Variants in SNRPN observed in about 807,000 individuals in gnomAD.
The protein encoded by SNRPN is small nuclear ribonucleoprotein-associated protein N.
SNRPN carries 7 observed loss-of-function variants against 25.2 expected under a neutral mutation model. The observed-to-expected ratio is 0.28, with a 90% CI of 0.16 to 0.52. The LOEUF (loss-of-function observed/expected upper bound fraction) is 0.52, where lower values mean the gene tolerates loss of function less well. Ranked by LOEUF, SNRPN falls within the 20% of genes least tolerant of loss-of-function variation. The pLI, the probability that SNRPN is intolerant of heterozygous loss-of-function variation, is 0.96. For missense variants in SNRPN, 196 were observed against 322.5 expected (o/e 0.61, Z 3.00); for synonymous variants, 124 against 110.6 (o/e 1.12, Z -0.76).
chr15:24,932,646 A>G (rs890499685), intron 3 of SNRPN, among the ~76,000 whole-genome samples: 2 of 127,148 alleles, frequency 1.6e-5, no homozygotes, highest in African/African-American at 5.1e-5. Flanking sequence ...GAGTCTGTAA[A>G]TGTTTTTTTT....
chr15:24,834,728 C>CCCTCTCTCTCTCTCT (rs1555376612), intron 2 of SNRPN, among the ~76,000 whole-genome samples: 1 of 42,774 alleles, frequency 2.3e-5, no homozygotes, highest in African/African-American at 7.7e-5. Flanking sequence ...TCTCTCTCTC[C>CCCTCTCTCTCTCTCT]CTCTCTCTCT....
intron 2 of SNRPN, among the ~76,000 whole-genome samples, chr15:24,887,881 A>G (rs2057337024): frequency 6.6e-6 from 1 of 152,186 alleles, no homozygotes; most frequent in African/African-American, 2.4e-5. Flanking sequence ...GGAGTCAGGC[A>G]GAGAGGACCC....
chr15:24,978,039 T>G, intron 8 of SNRPN, 123 bp downstream of exon 8: 1 of 1,222,626 alleles, frequency 8.2e-7, no homozygotes, highest in African/African-American at 1.5e-5. Flanking sequence ...AGATACTGGT[T>G]TTTAATGAAA....
chr15:24,892,834 CAAGAA>C (rs1200453772), intron 2 of SNRPN, among the ~76,000 whole-genome samples: 1 of 152,038 alleles, frequency 6.6e-6, no homozygotes, highest in Non-Finnish European at 1.5e-5. Context: ...AACAGAGGTT[CAAGAA>C]AAGGCTTTTT....
intron 1 of SNRPN, among the ~76,000 whole-genome samples, chr15:24,878,913 A>G (rs904447207): frequency 5.3e-5 from 8 of 152,024 alleles, no homozygotes; most frequent in Non-Finnish European, 1.0e-4. Context: ...ATATGAGAGG[A>G]CTTGTAGAGG....
intron 3 of SNRPN, among the ~76,000 whole-genome samples, chr15:24,923,615 T>C (rs2060168067): frequency 6.6e-6 from 1 of 152,170 alleles, no homozygotes; most frequent in Non-Finnish European, 1.5e-5. Flanking sequence ...TTCAATGGAA[T>C]TCAACTATAA....
chr15:24,909,848 C>A, intron 2 of SNRPN: 1 of 943,334 alleles, frequency 1.1e-6, no homozygotes, highest in South Asian at 1.3e-5. Flanking sequence ...AGACCCGCGT[C>A]CACAGCTCAA....
At chr15:24,843,788 AACACACACACAC>A (rs56693061) in intron 2 of SNRPN, among the ~76,000 whole-genome samples, 4 of 139,806 alleles carry the variant, frequency 2.9e-5, no homozygotes, top group Admixed American at 7.2e-5. Context: ...CTCCATCACA[AACACACACACAC>A]ACACACACAC....
chr15:24,975,210 A>G, intron 4 of SNRPN, 148 bp from the exon 5 acceptor site: 1 of 667,506 alleles, frequency 1.5e-6, no homozygotes, highest in Non-Finnish European at 2.6e-6. Context: ...CATACTAAAT[A>G]TGGAAGAATG....
chr15:24,893,387 C>T (rs934812067), intron 2 of SNRPN, among the ~76,000 whole-genome samples: 1 of 151,986 alleles, frequency 6.6e-6, no homozygotes, highest in Non-Finnish European at 1.5e-5. Context: ...GAACCTAAGG[C>T]GGTAGGATTG....
chr15:24,937,485 T>C (rs2061307040), intron 3 of SNRPN, among the ~76,000 whole-genome samples: 1 of 152,116 alleles, frequency 6.6e-6, no homozygotes, highest in African/African-American at 2.4e-5. Context: ...ATCTCACCAC[T>C]GTACTCTAGC....
At chr15:24,912,128 T>C (rs933257365) in intron 2 of SNRPN, among the ~76,000 whole-genome samples, 9 of 152,326 alleles carry the variant, frequency 5.9e-5, no homozygotes, top group African/African-American at 2.2e-4. Context: ...ATGTTACCCC[T>C]ATCTTCTTGC....
intron 1 of SNRPN, among the ~76,000 whole-genome samples, chr15:24,862,235 A>C (rs1201808440): frequency 2.6e-5 from 4 of 151,238 alleles, no homozygotes; most frequent in African/African-American, 7.4e-5. Flanking sequence ...AATGTAAGCG[A>C]ATTTTAGAGA....
rs189346347 is a variant in SNRPN, at chr15:24,928,300, C to T, written c.-391+8176C>T. On this transcript the variant is annotated intron_variant, in intron 3 of 11. Coordinates refer to the SNRPN transcript ENST00000400097. The stretch of plus-strand genomic sequence containing the variant: ...CTTGTGTTCATTGCAGCATTATTCA[C>T]GATAGCCAAGATATGGAATCCACCG... 4.9e-3 allele frequency among the ~76,000 whole-genome samples: 738 copies of T among 152,032 alleles called. 7 individuals carry two copies. The highest frequency in any genetic ancestry group is 0.017 in the African/African-American group (701 of 41,452).
Position 24,978,329 on chromosome 15 carries a change from G to C in SNRPN, c.685+11G>C. The C allele has an allele frequency of 6.2e-7, 1 of 1,614,066 alleles. No homozygotes were observed. The highest frequency in any genetic ancestry group is 8.5e-7 in the Non-Finnish European group (1 of 1,179,968). On this transcript the variant is annotated intron_variant, in intron 9 of 9. Coordinates refer to ENST00000390687, the MANE Select transcript of SNRPN (RefSeq NM_003097.6). Reference sequence around the variant, plus strand: ...CACCAGGCATTAGAGGTGAGTGGGAGCATAGGGGTTTGATGGTTCAGCCAG... The same window carrying C: ...CACCAGGCATTAGAGGTGAGTGGGACCATAGGGGTTTGATGGTTCAGCCAG...
chr15:24,904,942 C>CAAAAA (rs33929037), intron 2 of SNRPN, among the ~76,000 whole-genome samples: 1 of 88,264 alleles, frequency 1.1e-5, no homozygotes. Context: ...GACTCCGTCT[C>CAAAAA]AAAAAAAAAA....
At chr15:24,879,401 C>A (rs1490407809) in intron 1 of SNRPN, among the ~76,000 whole-genome samples, 2 of 150,336 alleles carry the variant, frequency 1.3e-5, no homozygotes, top group South Asian at 4.2e-4. Context: ...CCCGCCACTG[C>A]ACTCTAGCCT....
At chr15:24,944,023 C>T (rs563175416) in intron 3 of SNRPN, among the ~76,000 whole-genome samples, 7 of 152,064 alleles carry the variant, frequency 4.6e-5, no homozygotes, top group East Asian at 3.9e-4. Context: ...GGTTTCACCA[C>T]GTTGACTAGG....
chr15:24,913,114 A>G (rs1389476036), intron 2 of SNRPN, among the ~76,000 whole-genome samples: 3 of 151,700 alleles, frequency 2.0e-5, no homozygotes, highest in African/African-American at 7.3e-5. Context: ...TAACTTTGGT[A>G]TTTTCAGTAG....
Sources: allele counts gnomAD v4.1 joint callset (sites outside exome capture counted in the v4.1 genomes callset), GRCh38; gene constraint gnomAD v4.1.1; transcripts MANE v1.5; gene names NCBI Gene and HGNC (gene_info 2026-07-23, HGNC 2026-07-21).